Variants in HSD17B2 observed in about 807,000 individuals in gnomAD.
The protein encoded by HSD17B2 is hydroxysteroid 17-beta dehydrogenase 2, also known as 17-beta-hydroxysteroid dehydrogenase type 2.
A neutral mutation model predicts 26.9 loss-of-function variants in HSD17B2; 32 were observed. The ratio of observed to expected loss-of-function variants is 1.19; its 90% CI spans 0.90 to 1.60. The LOEUF (loss-of-function observed/expected upper bound fraction) is 1.60. Among genes scored for constraint, HSD17B2 ranks in the 40% most tolerant of loss-of-function variants. The pLI, the probability that HSD17B2 is intolerant of heterozygous loss-of-function variation, is 0.00. For missense variants in HSD17B2, 613 were observed against 468.6 expected, an observed-to-expected ratio of 1.31 and a Z score of -2.85; for synonymous variants, 246 against 186.7, an observed-to-expected ratio of 1.32 and a Z score of -2.59.
At chr16:82,088,603 T>A (rs9934783) in intron 3 of HSD17B2, among the ~76,000 whole-genome samples, 225 of 152,320 alleles carry the variant, frequency 1.5e-3, no homozygotes, top group African/African-American at 5.2e-3. Context: ...CCCCACGAAC[T>A]GGGATTGCCA....
At chr16:82,049,564 C>G (rs547376880) in intron 1 of HSD17B2, among the ~76,000 whole-genome samples, 3 of 152,196 alleles carry the variant, frequency 2.0e-5, no homozygotes. Context: ...GTGAGCATTT[C>G]GGAAAGAAAG....
intron 1 of HSD17B2, among the ~76,000 whole-genome samples, chr16:82,043,832 C>T (rs1452736614): frequency 6.6e-6 from 1 of 152,024 alleles, no homozygotes; most frequent in South Asian, 2.1e-4. Flanking sequence ...GGGAGTTGAC[C>T]CCCTATTGGT....
intron 1 of HSD17B2, among the ~76,000 whole-genome samples, chr16:82,064,717 G>A (rs1914530495): frequency 6.6e-6 from 1 of 152,224 alleles, no homozygotes; most frequent in Admixed American, 6.5e-5. Flanking sequence ...ATGGGGAAGA[G>A]AGCACTTGAG....
Position 82,053,028 on chromosome 16 carries a change from A to G in HSD17B2, c.266-15142A>G, listed in dbSNP as rs930514580. On this transcript the variant is annotated intron_variant, in intron 1 of 4. Transcript: ENST00000199936. The stretch of plus-strand genomic sequence containing the variant: ...CTCTTGGGGGCCCCATTATGACCTT[A>G]TCTAGACCTAATTACCTCCCAAAGG... Among the ~76,000 whole-genome samples the G allele has an allele frequency of 2.0e-5, 3 of 152,226 alleles. No individual in the cohort carries two copies. The South Asian group carries it at 6.2e-4, about 32-fold the overall frequency.
At chr16:82,051,522 C>A (rs150173609) in intron 1 of HSD17B2, among the ~76,000 whole-genome samples, 429 of 150,892 alleles carry the variant, frequency 2.8e-3, no homozygotes, top group African/African-American at 0.01. Context: ...ACTATGAGAA[C>A]ATAGGGACAC....
chr16:82,061,871 C>T (rs1414702926), intron 1 of HSD17B2, among the ~76,000 whole-genome samples: 1 of 152,188 alleles, frequency 6.6e-6, no homozygotes, highest in Non-Finnish European at 1.5e-5. Context: ...TTCCTTCTTT[C>T]TGAATGTAGC....
chr16:82,041,445 T>C (rs1022543188), intron 1 of HSD17B2, among the ~76,000 whole-genome samples: 1 of 152,222 alleles, frequency 6.6e-6, no homozygotes, highest in African/African-American at 2.4e-5. Context: ...TCCATTGTTC[T>C]GTAGTGACTT....
At chr16:82,039,115 A>G (rs1913697961) in intron 1 of HSD17B2, among the ~76,000 whole-genome samples, 2 of 152,078 alleles carry the variant, frequency 1.3e-5, no homozygotes, top group Admixed American at 6.6e-5. Context: ...TGCACACAAC[A>G]GTGGGAGGGT....
intron 1 of HSD17B2, among the ~76,000 whole-genome samples, chr16:82,041,837 C>T (rs892407301): frequency 2.6e-5 from 4 of 152,146 alleles, no homozygotes; most frequent in African/African-American, 4.8e-5. Flanking sequence ...TCAATTATCT[C>T]CTCTGAGAGA....
intron 1 of HSD17B2, among the ~76,000 whole-genome samples, chr16:82,047,474 T>C (rs1318954205): frequency 1.3e-5 from 2 of 152,232 alleles, no homozygotes; most frequent in Non-Finnish European, 2.9e-5. Flanking sequence ...GCAAATAGTA[T>C]GCGTTCATGA....
intron 4 of HSD17B2, chr16:82,093,798 AT>A (rs746484428): frequency 2.6e-5 from 4 of 152,210 alleles, no homozygotes; most frequent in Non-Finnish European, 5.9e-5. Flanking sequence ...TTGACTGAGT[AT>A]ACTTATAGTT....
rs10609893 is a variant in HSD17B2, at chr16:82,036,320, TTGTGTGTGTGTGTGTG to T, written c.265+659_265+674del. Among the ~76,000 whole-genome samples the T allele has an allele frequency of 6.1e-4, 89 of 145,884 alleles. 1 individual carries two copies. Among genetic ancestry groups the T allele is most frequent in the Admixed American group, 9.5e-4 (14 of 14,744 alleles). ...GCTGAGCTGCCAGTTTTTCCCTTGT[TTGTGTGTGTGTGTGTG>T]TGTGTGTGTGTGTGTGTGTGTGTGT... On this transcript the variant is annotated intron_variant, in intron 1 of 4. Coordinates refer to ENST00000199936, the MANE Select transcript of HSD17B2 (RefSeq NM_002153.3).
chr16:82,036,025 A>G lies in HSD17B2; in HGVS notation c.265+336A>G, dbSNP rs181660433. On this transcript the variant is annotated intron_variant, in intron 1 of 4. Coordinates refer to ENST00000199936, the MANE Select transcript of HSD17B2 (RefSeq NM_002153.3). ...CCCATAGATTGTTTTTTAGGCTTAAATGGACTTTTGTTCTGACATCATTGT... is the reference window on the plus strand; with the variant it reads ...CCCATAGATTGTTTTTTAGGCTTAAGTGGACTTTTGTTCTGACATCATTGT... Among the ~76,000 whole-genome samples the G allele has an allele frequency of 3.3e-5, 5 of 152,280 alleles. No individual in the cohort carries two copies. In the East Asian group the frequency reaches 7.7e-4, roughly 24 times the overall value.
chr16:82,080,446 A>T (rs1212620053), intron 3 of HSD17B2, among the ~76,000 whole-genome samples: 7 of 152,198 alleles, frequency 4.6e-5, no homozygotes, highest in Non-Finnish European at 8.8e-5. Flanking sequence ...CTTTGAAGAT[A>T]GAGGAAGGGG....
chr16:82,064,683 G>A (rs992598173), intron 1 of HSD17B2, among the ~76,000 whole-genome samples: 1 of 152,208 alleles, frequency 6.6e-6, no homozygotes, highest in South Asian at 2.1e-4. Context: ...TTATTAGGAG[G>A]ATGTGGAATT....
chr16:82,067,627 A>T (rs1043240094), intron 1 of HSD17B2, among the ~76,000 whole-genome samples: 4 of 152,180 alleles, frequency 2.6e-5, no homozygotes, highest in Admixed American at 1.3e-4. Flanking sequence ...ATGGATAGGG[A>T]AAAAGGCCCA....
At chr16:82,068,723 C>T (rs1914631055) in intron 2 of HSD17B2, among the ~76,000 whole-genome samples, 1 of 152,144 alleles carries the variant, frequency 6.6e-6, no homozygotes, top group African/African-American at 2.4e-5. Flanking sequence ...AAAAAAATAC[C>T]TTCATGGTCA....
At chr16:82,059,289 A>G (rs1260159404) in intron 1 of HSD17B2, among the ~76,000 whole-genome samples, 1 of 152,242 alleles carries the variant, frequency 6.6e-6, no homozygotes, top group Admixed American at 6.5e-5. Context: ...GATGTTGAGA[A>G]GCATCCCTGG....
At chr16:82,058,431 T>G (rs545573220) in intron 1 of HSD17B2, among the ~76,000 whole-genome samples, 32 of 152,330 alleles carry the variant, frequency 2.1e-4, no homozygotes, top group African/African-American at 7.7e-4. Context: ...GGTACTAGCT[T>G]TCTGATTTTT....
Sources: gnomAD v4.1 joint callset for allele counts (sites outside exome capture counted in the v4.1 genomes callset) on GRCh38, gnomAD v4.1.1 for gene constraint, MANE v1.5 for transcripts, NCBI Gene and HGNC (gene_info 2026-07-23, HGNC 2026-07-21) for gene names.